XIAP: variants seen among roughly 807,000 people sequenced by gnomAD.
XIAP encodes the protein X-linked inhibitor of apoptosis, also known as E3 ubiquitin-protein ligase XIAP.
Under a neutral mutation model 33.1 loss-of-function variants are expected in XIAP, and 3 were observed. The ratio of observed to expected loss-of-function variants is 0.09; its 90% CI spans 0.04 to 0.23. The LOEUF is 0.23. Ranked by LOEUF, XIAP falls within the 10% of genes least tolerant of loss-of-function variation. XIAP has a pLI of 1.00. For synonymous variants in XIAP, 98 were observed against 121.3 expected (o/e 0.81, Z 1.26); for missense variants, 264 against 363.0 (o/e 0.73, Z 2.22).
rs59340432 is a variant in XIAP at position 123,902,267 on chromosome X, A to G, written c.1300+1574A>G. Among the ~76,000 whole-genome samples, 418 of 111,269 alleles carry G rather than the reference A, an allele frequency of 3.8e-3. 1 individual carries two copies. The highest frequency in any genetic ancestry group is 0.012 in the African/African-American group (371 of 30,657). On this transcript the variant is annotated intron_variant, in intron 6 of 6. Coordinates refer to ENST00000371199, the MANE Select transcript of XIAP (RefSeq NM_001167.4). ...ACAGGAGTCAATGGGCGCTCATATT[A>G]TCACTGAGACTACAAACTAGGATGG...
In XIAP at chrX:123,911,369, T is replaced by C. The variant is rs28382752; in HGVS notation, c.*4188T>C. On this transcript the variant is annotated 3_prime_UTR_variant, in exon 7 of 7. Coordinates refer to ENST00000371199, the MANE Select transcript of XIAP (RefSeq NM_001167.4). Reference sequence around the variant, plus strand: ...GCTCATGCCTGTAATCCCAGCTACTTGGGAGGCTGAGGCAGGAGAATCGCT... The same window carrying C: ...GCTCATGCCTGTAATCCCAGCTACTCGGGAGGCTGAGGCAGGAGAATCGCT... The C allele has an allele frequency of 0.22, 60,741 of 278,396 alleles. 4,531 individuals carry two copies. Among genetic ancestry groups the C allele is most frequent in the South Asian group, 0.38 (11,370 of 29,565 alleles). The allele number at this position is 278,396 out of a possible 1,213,427, so 22.9% of individuals were successfully genotyped here.
chrX:123,888,891 C>T (rs181141996), intron 3 of XIAP, among the ~76,000 whole-genome samples, 173 bp downstream of exon 3: 36 of 111,873 alleles, frequency 3.2e-4, no homozygotes, highest in Non-Finnish European at 4.3e-4. Flanking sequence ...ACATTCACTG[C>T]TTATGTGTGA....
At position 123,867,967 on chromosome X, in the gene XIAP, C is replaced by T. The variant is rs181283497; in HGVS notation, c.-33+7674C>T. On this transcript the variant is annotated intron_variant, in intron 1 of 6. Coordinates refer to ENST00000371199, the MANE Select transcript of XIAP (RefSeq NM_001167.4). ...CTGGGATTACAGGCATGAGCCACTG[C>T]GCCCAGCCTGAAGTCTTTCAAAATA... is the stretch of plus-strand genomic sequence containing the variant. Among the ~76,000 whole-genome samples the T allele has an allele frequency of 2.4e-3, 272 of 111,650 alleles. 2 individuals carry two copies. Among genetic ancestry groups the T allele is most frequent in the African/African-American group, 8.3e-3 (257 of 30,802 alleles).
At position 123,888,737 on chromosome X, in the gene XIAP, C is replaced by T. The variant is rs1461792893; in HGVS notation, c.977+19C>T. On this transcript the variant is annotated intron_variant, in intron 3 of 6. Coordinates refer to ENST00000371199, the MANE Select transcript of XIAP (RefSeq NM_001167.4). ...ATCCAGGGTAAGATATTTAATTGTT[C>T]ATTGTACAGGCAAGTTGGATAGCAT... 1.7e-6 allele frequency: 2 copies of T among 1,177,613 alleles called. No homozygotes were observed. The highest frequency in any genetic ancestry group is 2.3e-6 in the Non-Finnish European group (2 of 865,776).
In XIAP at chrX:123,886,206, A is replaced by G. The variant is rs747856847; in HGVS notation, c.544A>G (p.Arg182Gly). 3 of 1,212,064 alleles carry G rather than the reference A, an allele frequency of 2.5e-6. No individual in the cohort carries two copies. Among genetic ancestry groups the G allele is most frequent in the Non-Finnish European group, 3.3e-6 (3 of 895,562 alleles). The stretch of plus-strand genomic sequence containing the variant: ...GCCAGACTATGCTCACCTAACCCCA[A>G]GAGAGTTAGCAAGTGCTGGACTCTA... ...NWPDYAHLTP[R>G]ELASAGLYYT... The change falls in exon 2 of 7, where the codon AGA becomes GGA. Residue 182 changes from arginine (R) to glycine (G), a missense_variant. By Grantham distance (125) the Arg-to-Gly change is moderately radical. Coordinates refer to ENST00000371199, the MANE Select transcript of XIAP (RefSeq NM_001167.4).
intron 3 of XIAP, among the ~76,000 whole-genome samples, chrX:123,889,269 T>C (rs1258099699): frequency 4.6e-5 from 5 of 109,845 alleles, no homozygotes; most frequent in Non-Finnish European, 9.5e-5. Context: ...TTTTTGTATT[T>C]TTAGTAGAGG....
intron 5 of XIAP, among the ~76,000 whole-genome samples, chrX:123,894,096 A>T (rs370474288): frequency 1.2e-4 from 13 of 112,123 alleles, no homozygotes; most frequent in African/African-American, 4.2e-4. Flanking sequence ...TTTATCCCAT[A>T]CTGTCATTGT....
chrX:123,895,897 G>A (rs1602553226), intron 5 of XIAP, among the ~76,000 whole-genome samples: 1 of 108,604 alleles, frequency 9.2e-6, no homozygotes, highest in South Asian at 4.1e-4. Context: ...TAGTAGCTAG[G>A]ATTACAGGTG....
At chrX:123,888,058 G>C (rs747987765) in intron 2 of XIAP, among the ~76,000 whole-genome samples, 1 of 110,735 alleles carries the variant, frequency 9.0e-6, no homozygotes, top group Non-Finnish European at 1.9e-5. Context: ...AGTATGCCAG[G>C]TACAGTGGCT....
At chrX:123,899,204 TGTATATATATATGATTTTG>T (rs1569479190) in intron 5 of XIAP, among the ~76,000 whole-genome samples, 600 of 58,531 alleles carry the variant, frequency 0.01, 19 homozygotes, top group African/African-American at 0.041. Context: ...TATATGATTG[TGTATATATATATGATTTTG>T]TATATATATA....
At position 123,885,997 on chromosome X, in the gene XIAP, A is replaced by G; in HGVS notation, c.335A>G (p.Asn112Ser). ...ATQSTNSGIQ[N>S]GQYKVENYLG... is the part of the protein sequence containing the mutation. ...CAGTCTACAAATTCTGGTATCCAGA[A>G]TGGTCAGTACAAAGTTGAAAACTAT... Residue 112 changes from asparagine to serine, a missense_variant, in exon 2 of 7, where the codon AAT becomes AGT. By Grantham distance (46) the Asn-to-Ser change is conservative. Transcript: ENST00000371199. 8.3e-7 allele frequency: 1 copy of G among 1,212,080 alleles called. No individual in the cohort carries two copies. Among genetic ancestry groups the G allele is most frequent in the Non-Finnish European group, 1.1e-6 (1 of 895,623 alleles).
intron 2 of XIAP, among the ~76,000 whole-genome samples, chrX:123,888,180 A>C (rs184032027): frequency 9.1e-6 from 1 of 109,609 alleles, no homozygotes; most frequent in African/African-American, 3.3e-5. Flanking sequence ...CCAAAGATAT[A>C]AAAAATTAGC....
Position 123,888,494 on chromosome X carries a change from A to T in XIAP, c.878-125A>T, listed in dbSNP as rs2053374515. 8.5e-6 allele frequency: 5 copies of T among 591,024 alleles called. No individual in the cohort carries two copies. The South Asian group carries it at 1.2e-4, about 14-fold the overall frequency. 48.7% of individuals were successfully genotyped at this position (591,024 alleles called of 1,213,427 possible). Reference sequence around the variant, plus strand: ...ATCTGTTACTTAGATGTGAATTTGAATGTCTTGTTTTAAGCTGTGAGATTT... The same window carrying T: ...ATCTGTTACTTAGATGTGAATTTGATTGTCTTGTTTTAAGCTGTGAGATTT... On this transcript the variant is annotated intron_variant, in intron 2 of 6. Coordinates refer to ENST00000371199, the MANE Select transcript of XIAP (RefSeq NM_001167.4).
intron 1 of XIAP, among the ~76,000 whole-genome samples, chrX:123,877,491 T>G: frequency 8.9e-6 from 1 of 112,465 alleles, no homozygotes; most frequent in East Asian, 2.8e-4. Context: ...GGAACATAGC[T>G]TCAAGTGCTT....
intron 1 of XIAP, among the ~76,000 whole-genome samples, chrX:123,862,948 C>T (rs918408902): frequency 9.1e-6 from 1 of 109,665 alleles, no homozygotes; most frequent in Admixed American, 9.9e-5. Context: ...ATTAGCCGGG[C>T]GTGCTGGCTT....
At chrX:123,875,161 T>A (rs1360091833) in intron 1 of XIAP, among the ~76,000 whole-genome samples, 1 of 107,715 alleles carries the variant, frequency 9.3e-6, no homozygotes, top group Non-Finnish European at 1.9e-5. Flanking sequence ...TAGCTGGGAT[T>A]ACAGGCGTGC....
chrX:123,899,144 A>AAAAAAAATATATAT lies in XIAP; in HGVS notation c.1100-1348_1100-1347insAAAAAATATATATA, dbSNP rs1186271285. 4.0e-5 allele frequency among the ~76,000 whole-genome samples: 2 copies of AAAAAAAATATATAT among 50,184 alleles called. 1 individual carries two copies. The highest frequency in any genetic ancestry group is 1.7e-4 in the African/African-American group (2 of 11,840). 43.6% of individuals were successfully genotyped at this position (50,184 alleles called of 115,157 possible). ...CAAAAAAAAAAAAAAAAAAAAAAAA[A>AAAAAAAATATATAT]ATATATATATATATATATATATGAT... On this transcript the variant is annotated intron_variant, in intron 5 of 6. Coordinates refer to ENST00000371199, the MANE Select transcript of XIAP (RefSeq NM_001167.4).
intron 5 of XIAP, among the ~76,000 whole-genome samples, chrX:123,897,627 A>G (rs1376661164): frequency 9.1e-6 from 1 of 109,314 alleles, no homozygotes; most frequent in Non-Finnish European, 1.9e-5. Flanking sequence ...CAGTAGTGCG[A>G]TCTTGGCTCA....
rs759212602 is a variant in XIAP, at chrX:123,908,757, A to T, written c.*1576A>T. ...AAGAATAGTTGTTTAAATATTTTTT[A>T]AAAAACACTTGAATAAGAATCAGTA... On this transcript the variant is annotated 3_prime_UTR_variant, in exon 7 of 7. Transcript: ENST00000371199. The T allele has an allele frequency of 2.9e-6, 1 of 344,688 alleles. No individual in the cohort carries two copies. The highest frequency in any genetic ancestry group is 3.3e-5 in the Admixed American group (1 of 30,737). 28.4% of individuals were successfully genotyped at this position (344,688 alleles called of 1,213,427 possible).
Sources: gnomAD v4.1 joint callset for allele counts (sites outside exome capture counted in the v4.1 genomes callset) on GRCh38, gnomAD v4.1.1 for gene constraint, MANE v1.5 for transcripts, NCBI Gene and HGNC (gene_info 2026-07-23, HGNC 2026-07-21) for gene names.